The following UBA5 variants were observed in gnomAD, a reference collection of about 807,000 sequenced individuals.
The protein encoded by UBA5 is ubiquitin-like modifier-activating enzyme 5.
In UBA5, 28 loss-of-function variants were observed where a neutral mutation model predicts 52.9. The ratio of observed to expected loss-of-function variants is 0.53; its 90% CI spans 0.39 to 0.73. The LOEUF is 0.73. Ranked by LOEUF, UBA5 falls within the 30% of genes least tolerant of loss-of-function variation. The probability of loss-of-function intolerance (pLI) is 0.00; values close to 1 mark genes in which losing one functional copy is unlikely to be tolerated. For synonymous variants in UBA5, 135 were observed against 162.1 expected, an observed-to-expected ratio of 0.83 and a Z score of 1.27; for missense variants, 388 against 492.7, an observed-to-expected ratio of 0.79 and a Z score of 2.01.
At chr3:132,670,889 G>C in intron 5 of UBA5, 76 bp from the exon 6 acceptor site, 1 of 971,026 alleles carries the variant, frequency 1.0e-6, no homozygotes, top group Non-Finnish European at 1.6e-6. Context: ...ATAAGTGTTG[G>C]ACTGAACAAG....
chr3:132,665,682 C>A, intron 1 of UBA5, 141 bp from the exon 2 acceptor site: 1 of 791,876 alleles, frequency 1.3e-6, no homozygotes, highest in African/African-American at 1.7e-5. Context: ...TGGTAAAAAC[C>A]AGCCTGTAAG....
chr3:132,672,114 G>A lies in UBA5; in HGVS notation c.749G>A (p.Cys250Tyr). The A allele has an allele frequency of 6.2e-7, 1 of 1,614,012 alleles. No homozygotes were observed. Among genetic ancestry groups the A allele is most frequent in the Non-Finnish European group, 8.5e-7 (1 of 1,179,960 alleles). ...DEKTLKREGV[C>Y]AASLPTTMGV... is the part of the protein sequence containing the mutation. ...AAGACTCTGAAACGAGAAGGTGTTT[G>A]TGCAGCCAGTCTTCCTACCACTATG... The change falls in exon 8 of 12, where the codon TGT becomes TAT. Residue 250 changes from cysteine (C) to tyrosine (Y), a missense_variant. Physicochemically the swap from Cys to Tyr is radical, Grantham distance 194. Coordinates refer to ENST00000356232, the MANE Select transcript of UBA5 (RefSeq NM_024818.6).
At chr3:132,662,499 T>C (rs1441639162) in intron 1 of UBA5, among the ~76,000 whole-genome samples, 1 of 152,170 alleles carries the variant, frequency 6.6e-6, no homozygotes, top group East Asian at 1.9e-4. Context: ...TATGATAAAG[T>C]ACAGTGTTAT....
At chr3:132,666,135 A>G in intron 3 of UBA5, 62 bp downstream of exon 3, 1 of 1,446,024 alleles carries the variant, frequency 6.9e-7, no homozygotes, top group Non-Finnish European at 9.7e-7. Flanking sequence ...TAAATCAGGT[A>G]CAAGTTAGGA....
chr3:132,660,653 G>T lies in UBA5; in HGVS notation c.116G>T (p.Arg39Leu). The change falls in exon 1 of 12, where the codon CGC becomes CTC. Residue 39 changes from arginine (R) to leucine (L), a missense_variant. Transcript: ENST00000356232. The surrounding 1 kb of genome is among the most constrained non-coding windows in gnomAD (Gnocchi z 4.1). ...RSGDGGGGRV[R>L]IEKMSSEVVD... is the part of the protein sequence containing the mutation. ...GGCGACGGAGGGGGCGGCCGGGTCC[G>T]CATCGAGAAGATGAGCTCAGAGGTG... The T allele has an allele frequency of 1.9e-6, 3 of 1,573,812 alleles. No individual in the cohort carries two copies. The highest frequency in any genetic ancestry group is 1.3e-5 in the African/African-American group (1 of 74,082).
chr3:132,656,226 G>C (rs1291306514), upstream of UBA5, among the ~76,000 whole-genome samples: 3 of 152,036 alleles, frequency 2.0e-5, no homozygotes, highest in Non-Finnish European at 2.9e-5. Flanking sequence ...CATCCATTCT[G>C]TATCTATAGA....
rs772888455 is a variant in UBA5, at chr3:132,675,345, G to A, written c.910G>A (p.Asp304Asn). 2.5e-6 allele frequency: 4 copies of A among 1,613,626 alleles called. No homozygotes were observed. Among genetic ancestry groups the A allele is most frequent in the Non-Finnish European group, 3.4e-6 (4 of 1,179,792 alleles). ...TMSMKPNPQC[D>N]DRNCRKQQEE... ...GTCCATGAAGCCAAATCCTCAGTGT[G>A]ATGACAGAAATTGCAGGAAGCAGCA... Residue 304 changes from aspartate to asparagine, a missense_variant, in exon 9 of 12, where the codon GAT becomes AAT. Asp to Asn is a conservative substitution (Grantham distance 23). Around this residue, in one of 3 missense-constraint regions of UBA5, gnomAD observed 277 missense variants for 326.4 expected, o/e 0.85. Coordinates refer to ENST00000356232, the MANE Select transcript of UBA5 (RefSeq NM_024818.6).
chr3:132,659,554 C>G, upstream of UBA5: 5 of 1,606,122 alleles, frequency 3.1e-6, no homozygotes, highest in South Asian at 1.1e-5. Context: ...GGAAGGAAAA[C>G]TCAATGTACA....
At chr3:132,666,474 G>A (rs1358981032) in intron 3 of UBA5, among the ~76,000 whole-genome samples, 2 of 152,018 alleles carry the variant, frequency 1.3e-5, no homozygotes, top group African/African-American at 2.4e-5. Context: ...AGAATGCTCT[G>A]GATGGATTTT....
Position 132,670,679 on chromosome 3 carries a change from CTGG to C in UBA5, c.495-284_495-282del, listed in dbSNP as rs2107940585. 1.3e-5 allele frequency: 3 copies of C among 239,784 alleles called. No individual in the cohort carries two copies. In the South Asian group the frequency reaches 2.9e-4, roughly 23 times the overall value. The allele number at this position is 239,784 out of a possible 1,614,324, so 14.9% of individuals were successfully genotyped here. A position where few individuals can be genotyped will look rare whatever the true frequency, so the allele number is the denominator to read the frequency against. On this transcript the variant is annotated intron_variant, in intron 5 of 11. Coordinates refer to ENST00000356232, the MANE Select transcript of UBA5 (RefSeq NM_024818.6). ...TGAAGCATGAATAAAAATGTGAAAG[CTGG>C]TAGTGAAAAAATAACTGTTGTGAAC...
chr3:132,673,839 G>C (rs933652216), intron 8 of UBA5, among the ~76,000 whole-genome samples: 16 of 151,840 alleles, frequency 1.1e-4, no homozygotes, highest in African/African-American at 1.2e-4. Flanking sequence ...TAATGTTTTT[G>C]TATTTTTTGT....
In UBA5 at chr3:132,660,818, G is replaced by A; in HGVS notation, c.161+120G>A. 6.9e-7 allele frequency: 1 copy of A among 1,449,360 alleles called. No homozygotes were observed. Among genetic ancestry groups the A allele is most frequent in the Non-Finnish European group, 9.1e-7 (1 of 1,098,604 alleles). 89.8% of individuals were successfully genotyped at this position (1,449,360 alleles called of 1,614,324 possible). On this transcript the variant is annotated intron_variant, in intron 1 of 11. Transcript: ENST00000356232. The surrounding 1 kb of genome is among the most constrained non-coding windows in gnomAD (Gnocchi z 4.1). ...ACGCCCGCCACCCTTTTCTTGGTCTGCGAATCCTGTTCCCAAATGGGCAAG... is the reference window on the plus strand; with the variant it reads ...ACGCCCGCCACCCTTTTCTTGGTCTACGAATCCTGTTCCCAAATGGGCAAG...
At chr3:132,660,174 G>T (rs2107920861), upstream of UBA5, 1 of 384,684 alleles carries the variant, frequency 2.6e-6, no homozygotes, top group Admixed American at 4.3e-5. The surrounding 1 kb of genome is among the most constrained non-coding windows in gnomAD (Gnocchi z 4.1). Flanking sequence ...AAAAGACCCT[G>T]TTTCTCTTAG....
At position 132,666,114 on chromosome 3, in the gene UBA5, C is replaced by T. The variant is rs538568367; in HGVS notation, c.297+41C>T. ...TTTGCCTGTCATATAGGGAACTACT[C>T]ACTCCTGGAGTAAATCAGGTACAAG... is the stretch of plus-strand genomic sequence containing the variant. On this transcript the variant is annotated intron_variant, in intron 3 of 11. Coordinates refer to ENST00000356232, the MANE Select transcript of UBA5 (RefSeq NM_024818.6). 5 of 1,551,056 alleles carry T rather than the reference C, an allele frequency of 3.2e-6. No homozygotes were observed. The African/African-American group carries it at 4.1e-5, about 13-fold the overall frequency.
In UBA5 at chr3:132,660,749, C is replaced by G. The variant is rs374409581; in HGVS notation, c.161+51C>G. ...AGGCGCGGGGGACGAGGTCAGGCTC[C>G]GTGAGGTCAGAAGTGAGGCGCTTCC... On this transcript the variant is annotated intron_variant, in intron 1 of 11. Coordinates refer to ENST00000356232, the MANE Select transcript of UBA5 (RefSeq NM_024818.6). This position sits in a 1 kb window ranked among gnomAD's most constrained non-coding sequence, Gnocchi z 4.1. 6.1e-6 allele frequency: 9 copies of G among 1,485,472 alleles called. No individual in the cohort carries two copies. The highest frequency in any genetic ancestry group is 8.1e-6 in the Non-Finnish European group (9 of 1,111,968). 92.0% of individuals were successfully genotyped at this position (1,485,472 alleles called of 1,614,324 possible). A position where few individuals can be genotyped will look rare whatever the true frequency, so the allele number is the denominator to read the frequency against.
intron 3 of UBA5, chr3:132,667,585 TAGA>T (rs889133762): frequency 1.2e-4 from 19 of 152,176 alleles, no homozygotes; most frequent in African/African-American, 4.1e-4. Flanking sequence ...AATAGGAAAG[TAGA>T]AGATGTTAGG....
chr3:132,675,968 A>G, intron 11 of UBA5, 45 bp downstream of exon 11: 1 of 1,221,726 alleles, frequency 8.2e-7, no homozygotes, highest in South Asian at 1.4e-5. Context: ...ATCATATAAA[A>G]TATTTATCAT....
At chr3:132,661,512 T>C (rs773929339) in intron 1 of UBA5, among the ~76,000 whole-genome samples, 1 of 152,228 alleles carries the variant, frequency 6.6e-6, no homozygotes, top group African/African-American at 2.4e-5. Context: ...CAAGCAGTTA[T>C]TGAGCTTTCA....
chr3:132,667,462 A>G (rs1192823659), intron 3 of UBA5: 1 of 152,166 alleles, frequency 6.6e-6, no homozygotes, highest in African/African-American at 2.4e-5. Context: ...AAATTCTCCA[A>G]GTGATTCCAG....
Sources: gnomAD v4.1 joint callset for allele counts (sites outside exome capture counted in the v4.1 genomes callset) on GRCh38, gnomAD v4.1.1 for gene constraint, gnomAD v4.1.1 regional missense constraint, Gnocchi (gnomAD v3.1) non-coding constraint, MANE v1.5 for transcripts, NCBI Gene and HGNC (gene_info 2026-07-23, HGNC 2026-07-21) for gene names.